The following SPOUT1 variants were observed in gnomAD, a reference collection of about 807,000 sequenced individuals.
SPOUT1 encodes the protein SPOUT domain containing methyltransferase 1.
Under a neutral mutation model 54.8 loss-of-function variants are expected in SPOUT1, and 40 were observed. The observed-to-expected ratio is 0.73, with a 90% confidence interval of 0.57 to 0.95. The LOEUF is 0.95. Among genes scored for constraint, SPOUT1 ranks in the 40% least tolerant of loss-of-function variants. The pLI, the probability that SPOUT1 is intolerant of heterozygous loss-of-function variation, is 0.00. For synonymous variants in SPOUT1, 193 were observed against 200.3 expected (o/e 0.96, Z 0.31); for missense variants, 437 against 499.5 (o/e 0.87, Z 1.19).
chr9:128,821,143 G>A lies in SPOUT1; in HGVS notation c.*1622C>T. 2.2e-6 allele frequency: 1 copy of A among 448,448 alleles called. No individual in the cohort carries two copies. The highest frequency in any genetic ancestry group is 2.4e-5 in the South Asian group (1 of 40,828). The allele number at this position is 448,448 out of a possible 1,614,324, so 27.8% of individuals were successfully genotyped here. A position where few individuals can be genotyped will look rare whatever the true frequency, so the allele number is the denominator to read the frequency against. ...TGGCATGCCCACCCAATCTTGTTCT[G>A]CCAATATGGAACCCCCCGCAGGTCT... On this transcript the variant is annotated 3_prime_UTR_variant, in exon 12 of 12. Transcript: ENST00000361256.
intron 7 of SPOUT1, among the ~76,000 whole-genome samples, chr9:128,825,336 T>C (rs1830220155): frequency 6.6e-6 from 1 of 152,176 alleles, no homozygotes; most frequent in African/African-American, 2.4e-5. Flanking sequence ...TTTTTTTTCT[T>C]TTTTTTCTTT....
At chr9:128,827,326 T>C in intron 3 of SPOUT1, 135 bp from the exon 4 acceptor site, 1 of 748,958 alleles carries the variant, frequency 1.3e-6, no homozygotes, top group Non-Finnish European at 2.1e-6. Context: ...GCAAAATAGA[T>C]CCAGCTCCCC....
At position 128,826,903 on chromosome 9, in the gene SPOUT1, CAG is replaced by C. The variant is rs1274764831; in HGVS notation, c.368+127_368+128del. On this transcript the variant is annotated intron_variant, in intron 4 of 11. Transcript: ENST00000361256. The surrounding 1 kb of genome is among the most constrained non-coding windows in gnomAD (Gnocchi z 5.5). ...GCAACTCTACCCACTAAGGATTACA[CAG>C]GGAATATTTCAGGCAGGGCACGAGG... The C allele has an allele frequency of 2.0e-6, 2 of 1,012,132 alleles. No homozygotes were observed. The highest frequency in any genetic ancestry group is 1.6e-5 in the African/African-American group (1 of 62,544). The allele number at this position is 1,012,132 out of a possible 1,614,324, so 62.7% of individuals were successfully genotyped here.
At chr9:128,824,271 A>G in intron 9 of SPOUT1, 97 bp from the exon 10 acceptor site, 1 of 598,756 alleles carries the variant, frequency 1.7e-6, no homozygotes, top group Non-Finnish European at 3.1e-6. Context: ...GGGTGGGAAG[A>G]GCTGTGTGGT....
rs1047580145 is a variant in SPOUT1, at chr9:128,829,052, TTGAC to T, written c.82+54_82+57del. 21 of 1,543,688 alleles carry T rather than the reference TTGAC, an allele frequency of 1.4e-5. No individual in the cohort carries two copies. In the African/African-American group the frequency reaches 2.5e-4, roughly 18 times the overall value. On this transcript the variant is annotated intron_variant, in intron 2 of 11. Transcript: ENST00000361256. Reference sequence around the variant, plus strand: ...CAAAGTTGGTGTCTTTCTCCAGGGTTTGACTGAGCACTGGTGGAGTGGCCTATGG... The same window carrying T: ...CAAAGTTGGTGTCTTTCTCCAGGGTTTGAGCACTGGTGGAGTGGCCTATGG...
At chr9:128,828,506 AAAAAG>A (rs369861427) in intron 3 of SPOUT1, among the ~76,000 whole-genome samples, 1 of 151,986 alleles carries the variant, frequency 6.6e-6, no homozygotes, top group African/African-American at 2.4e-5. Context: ...AAAAAAAAAA[AAAAAG>A]AGAGATAAGG....
At position 128,829,783 on chromosome 9, in the gene SPOUT1, T is replaced by G. The variant is rs756336104; in HGVS notation, c.-3A>C. The stretch of plus-strand genomic sequence containing the variant: ...CGCTTCCTGCCGCGCTCCGCCATGT[T>G]CCGCACACACCGTCGGTCCCGCCTC... On this transcript the variant is annotated 5_prime_UTR_variant, in exon 1 of 12. Coordinates refer to ENST00000361256, the MANE Select transcript of SPOUT1 (RefSeq NM_016390.4). 6.2e-7 allele frequency: 1 copy of G among 1,601,922 alleles called. No individual in the cohort carries two copies.
In SPOUT1 at chr9:128,822,154, TG is replaced by T; in HGVS notation, c.*610del. ...AACAGAGGGAAAGAGTTAACCACCC[TG>T]GAGAGAGTTCCAGCCTCAAGGAGGA... On this transcript the variant is annotated 3_prime_UTR_variant, in exon 12 of 12. Transcript: ENST00000361256. The T allele has an allele frequency of 4.1e-6, 3 of 730,734 alleles. No individual in the cohort carries two copies. Among genetic ancestry groups the T allele is most frequent in the Non-Finnish European group, 6.6e-6 (3 of 455,432 alleles). The allele number at this position is 730,734 out of a possible 1,614,324, so 45.3% of individuals were successfully genotyped here.
intron 9 of SPOUT1, 127 bp from the exon 10 acceptor site, chr9:128,824,301 CGTGTGTGT>C (rs779749511): frequency 1.2e-4 from 54 of 461,842 alleles, no homozygotes; most frequent in African/African-American, 4.8e-4. Flanking sequence ...TGTGTGTGTG[CGTGTGTGT>C]ACTAAGGTAG....
Position 128,827,058 on chromosome 9 carries a change from C to A in SPOUT1, c.342G>T (p.Val114=), listed in dbSNP as rs1403318192. The change falls in exon 4 of 12, where the codon GTG becomes GTT. Residue 114 remains valine (V), a synonymous_variant. Transcript: ENST00000361256. ...CAIFCVDEIV[V]FDEEGQDAKT... is the part of the protein sequence containing the mutation. The stretch of plus-strand genomic sequence containing the variant: ...TGGCATCCTGGCCCTCCTCATCAAA[C>A]ACCACGATCTCATCCACACAGAAGA... The A allele has an allele frequency of 6.2e-7, 1 of 1,614,136 alleles. No individual in the cohort carries two copies.
chr9:128,829,702 T>A (rs1276582353), intron 1 of SPOUT1, 43 bp downstream of exon 1: 1 of 1,482,490 alleles, frequency 6.7e-7, no homozygotes, highest in Non-Finnish European at 9.3e-7. Flanking sequence ...TTCTCACGCC[T>A]CCACCATGCT....
intron 3 of SPOUT1, 84 bp from the exon 4 acceptor site, chr9:128,827,275 A>G: frequency 7.6e-7 from 1 of 1,321,260 alleles, no homozygotes; most frequent in African/African-American, 1.5e-5. Flanking sequence ...CCTAGCGCCC[A>G]TGGTTTGAGA....
intron 3 of SPOUT1, 32 bp downstream of exon 3, chr9:128,828,703 A>G (rs770729296): frequency 6.2e-7 from 1 of 1,611,168 alleles, no homozygotes; most frequent in Non-Finnish European, 8.5e-7. Flanking sequence ...CGTGGGCCAC[A>G]ACCTGTGGCC....
rs1157116635 is a variant in SPOUT1, at chr9:128,827,176, A to G, written c.224T>C (p.Leu75Pro). Residue 75 changes from leucine (L) to proline (P), a missense_variant, in exon 4 of 12, where the codon CTG becomes CCG. Transcript: ENST00000361256. ...EKEDRGRPYTLSVALPGSILD... is the reference protein window; with the variant it reads ...EKEDRGRPYTPSVALPGSILD... ...GATGGAGCCCGGCAGGGCTACGCTC[A>G]GTGTGTAGGGCCGCCCTGAGCAGGG... 29 of 1,613,042 alleles carry G rather than the reference A, an allele frequency of 1.8e-5. No individual in the cohort carries two copies. Among genetic ancestry groups the G allele is most frequent in the Non-Finnish European group, 2.3e-5 (27 of 1,179,894 alleles).
chr9:128,824,254 C>T (rs898090148), intron 9 of SPOUT1, 80 bp from the exon 10 acceptor site: 30 of 316,080 alleles, frequency 9.5e-5, no homozygotes, highest in Middle Eastern at 3.9e-4. Flanking sequence ...TGTACTGAGG[C>T]GGGGGTGGGT....
Position 128,822,051 on chromosome 9 carries a change from G to A in SPOUT1, c.*714C>T. The A allele has an allele frequency of 2.0e-6, 1 of 497,180 alleles. No homozygotes were observed. The highest frequency in any genetic ancestry group is 2.2e-5 in the South Asian group (1 of 45,588). The allele number at this position is 497,180 out of a possible 1,614,324, so 30.8% of individuals were successfully genotyped here. ...GTTAAGTCTCCCCTCAGACGAATGTGAATATTCAGAAGGCTCGATTCTCCT... is the reference window on the plus strand; with the variant it reads ...GTTAAGTCTCCCCTCAGACGAATGTAAATATTCAGAAGGCTCGATTCTCCT... On this transcript the variant is annotated 3_prime_UTR_variant, in exon 12 of 12. Coordinates refer to ENST00000361256, the MANE Select transcript of SPOUT1 (RefSeq NM_016390.4).
intron 3 of SPOUT1, among the ~76,000 whole-genome samples, 160 bp downstream of exon 3, chr9:128,828,574 TG>T (rs1830285816): frequency 6.6e-6 from 1 of 152,106 alleles, no homozygotes; most frequent in African/African-American, 2.4e-5. Context: ...GAACTCAGTT[TG>T]CTGGCTCCCT....
At chr9:128,829,724 G>T (rs1478634102) in intron 1 of SPOUT1, 21 bp downstream of exon 1, 2 of 1,578,962 alleles carry the variant, frequency 1.3e-6, no homozygotes, top group Non-Finnish European at 8.6e-7. Context: ...CCCTGCACGG[G>T]GTCCCGCCGC....
Position 128,820,792 on chromosome 9 carries a change from C to G in SPOUT1, c.*1973G>C. 1 of 1,612,566 alleles carries G rather than the reference C, an allele frequency of 6.2e-7. No homozygotes were observed. Among genetic ancestry groups the G allele is most frequent in the South Asian group, 1.1e-5 (1 of 90,702 alleles). On this transcript the variant is annotated 3_prime_UTR_variant, in exon 12 of 12. Coordinates refer to ENST00000361256, the MANE Select transcript of SPOUT1 (RefSeq NM_016390.4). ...ACAACCTGGAGAAATATAGCCGCAG[C>G]TTGACCCGCAGCTACCAAAACGTCT...
Sources: gnomAD v4.1 joint callset for allele counts (sites outside exome capture counted in the v4.1 genomes callset) on GRCh38, gnomAD v4.1.1 for gene constraint, Gnocchi (gnomAD v3.1) non-coding constraint, MANE v1.5 for transcripts, NCBI Gene and HGNC (gene_info 2026-07-23, HGNC 2026-07-21) for gene names.